The following NAF1 variants were observed in gnomAD, a reference collection of about 807,000 sequenced individuals.
The protein encoded by NAF1 is H/ACA ribonucleoprotein complex non-core subunit NAF1.
A neutral mutation model predicts 40.6 loss-of-function variants in NAF1; 11 were observed. The observed-to-expected ratio is 0.27, with a 90% CI of 0.17 to 0.45. The LOEUF is 0.45. Among genes scored for constraint, NAF1 ranks in the 20% least tolerant of loss-of-function variants. NAF1 has a pLI of 1.00. For synonymous variants in NAF1, 260 were observed against 228.5 expected (o/e 1.14, Z -1.24); for missense variants, 607 against 611.1 (o/e 0.99, Z 0.07).
At chr4:163,137,729 A>G (rs536050505) in intron 5 of NAF1, among the ~76,000 whole-genome samples, 10 of 152,312 alleles carry the variant, frequency 6.6e-5, no homozygotes, top group African/African-American at 2.4e-4. Flanking sequence ...GAGGAATGTC[A>G]GCAATCCTCT....
intron 4 of NAF1, among the ~76,000 whole-genome samples, chr4:163,142,133 G>A (rs746298943): frequency 7.9e-5 from 12 of 152,138 alleles, no homozygotes; most frequent in Non-Finnish European, 1.6e-4. Context: ...AGTAGACCTC[G>A]TCCAGTAAGA....
chr4:163,160,227 T>C (rs767113893), intron 2 of NAF1, among the ~76,000 whole-genome samples: 35 of 152,320 alleles, frequency 2.3e-4, no homozygotes, highest in Non-Finnish European at 2.6e-4. Flanking sequence ...TAATTTTATC[T>C]AGTTAAACTT....
In NAF1 at chr4:163,164,301, C is replaced by T. The variant is rs1732352872; in HGVS notation, c.456G>A (p.Val152=). ...GTAAATCATCATCTCCATCTGACAG[C>T]ACTGGAGGAAGTGATATACAAGAGG... is the stretch of plus-strand genomic sequence containing the variant. ...SSSSCISLPP[V]LSDGDDDLQI... is the part of the protein sequence containing the mutation. The change falls in exon 2 of 8, where the codon GTG becomes GTA. Residue 152 remains valine, a synonymous_variant. Transcript: ENST00000274054. 6.3e-7 allele frequency: 1 copy of T among 1,599,548 alleles called. No individual in the cohort carries two copies. Among genetic ancestry groups the T allele is most frequent in the African/African-American group, 1.3e-5 (1 of 74,258 alleles).
intron 2 of NAF1, among the ~76,000 whole-genome samples, chr4:163,158,819 C>A (rs998741610): frequency 6.6e-6 from 1 of 151,976 alleles, no homozygotes; most frequent in African/African-American, 2.4e-5. Context: ...AAAAGACTGC[C>A]AAATAATTGT....
intron 2 of NAF1, among the ~76,000 whole-genome samples, chr4:163,119,214 A>G (rs967527809): frequency 2.2e-4 from 33 of 152,304 alleles, no homozygotes; most frequent in Non-Finnish European, 3.4e-4. Flanking sequence ...GAATGTCCTT[A>G]GAATTTGTGT....
In NAF1 at chr4:163,166,647, C is replaced by G; in HGVS notation, c.81G>C (p.Pro27=). 6.2e-7 allele frequency: 1 copy of G among 1,613,136 alleles called. No individual in the cohort carries two copies. Among genetic ancestry groups the G allele is most frequent in the Non-Finnish European group, 8.5e-7 (1 of 1,179,890 alleles). ...GGGCAGAGCCCGGAGACGGAGCCGC[C>G]GGACCTTCCCCAACTCCAAAGTCGG... ...NGTDFGVGEG[P]AAPSPGSAPV... is the part of the protein sequence containing the mutation. The change falls in exon 1 of 8, where the codon CCG becomes CCC. Residue 27 remains proline, a synonymous_variant. Coordinates refer to ENST00000274054, the MANE Select transcript of NAF1 (RefSeq NM_138386.3).
chr4:163,151,107 A>T (rs192501688), intron 2 of NAF1, among the ~76,000 whole-genome samples: 6 of 130,040 alleles, frequency 4.6e-5, no homozygotes, highest in East Asian at 4.5e-4. Flanking sequence ...ATTAATTTAT[A>T]AAAAAAAAAC....
chr4:163,137,282 T>C (rs1177363307), intron 5 of NAF1, 32 bp from the exon 6 acceptor site: 3 of 1,592,062 alleles, frequency 1.9e-6, no homozygotes, highest in Admixed American at 1.8e-5. Flanking sequence ...GTCAAAAAAG[T>C]ATTCATCACA....
At chr4:163,104,709 A>G in the NAF1 span, among the ~76,000 whole-genome samples, 1 of 152,230 alleles carries the variant, frequency 6.6e-6, no homozygotes, top group Non-Finnish European at 1.5e-5. Flanking sequence ...ATGCAATAAA[A>G]GTGATACGCT....
At chr4:163,123,528 T>G (rs1333264599), downstream of NAF1, among the ~76,000 whole-genome samples, 1 of 152,112 alleles carries the variant, frequency 6.6e-6, no homozygotes, top group African/African-American at 2.4e-5. Flanking sequence ...ACTACAGGCA[T>G]GCGTAACCAT....
At chr4:163,143,933 G>T in intron 4 of NAF1, 1 of 697,236 alleles carries the variant, frequency 1.4e-6, no homozygotes, top group Non-Finnish European at 1.8e-6. Flanking sequence ...TAGGCAAACT[G>T]ATCATTTCAA....
chr4:163,109,265 T>C (rs1730100658), downstream of NAF1, among the ~76,000 whole-genome samples: 1 of 151,930 alleles, frequency 6.6e-6, no homozygotes, highest in Non-Finnish European at 1.5e-5. Context: ...TACTTAGTTC[T>C]TCTCCCTCTT....
At chr4:163,117,712 CACACACGCAT>C (rs1173504920) in intron 2 of NAF1, among the ~76,000 whole-genome samples, 1 of 151,516 alleles carries the variant, frequency 6.6e-6, no homozygotes, top group Non-Finnish European at 1.5e-5. Context: ...CACACACACA[CACACACGCAT>C]GAATACATCA....
intron 2 of NAF1, among the ~76,000 whole-genome samples, chr4:163,116,329 T>C (rs1579119196): frequency 6.6e-6 from 1 of 152,254 alleles, no homozygotes; most frequent in Middle Eastern, 3.4e-3. Context: ...AAAATTATAA[T>C]TGGATGAATA....
At chr4:163,154,211 G>A (rs766865915) in intron 2 of NAF1, among the ~76,000 whole-genome samples, 7 of 152,272 alleles carry the variant, frequency 4.6e-5, no homozygotes, top group Middle Eastern at 3.4e-3. Context: ...TACCAATTCC[G>A]GACACACTAG....
intron 2 of NAF1, chr4:163,157,510 C>T (rs80026424): frequency 1.7e-4 from 26 of 151,774 alleles, no homozygotes; most frequent in African/African-American, 4.8e-4. Context: ...AAATGGCTAA[C>T]GACAATTTAA....
intron 2 of NAF1, among the ~76,000 whole-genome samples, chr4:163,116,895 A>G (rs1341062154): frequency 2.8e-5 from 4 of 142,394 alleles, no homozygotes; most frequent in Admixed American, 2.7e-4. Flanking sequence ...CTTCTGCAGC[A>G]CAATCCCTAA....
intron 2 of NAF1, among the ~76,000 whole-genome samples, chr4:163,150,621 T>C (rs1731661568): frequency 1.3e-5 from 2 of 152,072 alleles, no homozygotes; most frequent in Admixed American, 1.3e-4. Flanking sequence ...TGACACAACA[T>C]ATATCCTTAA....
intron 2 of NAF1, among the ~76,000 whole-genome samples, chr4:163,114,827 G>A (rs990762246): frequency 6.6e-6 from 1 of 152,082 alleles, no homozygotes; most frequent in Non-Finnish European, 1.5e-5. Flanking sequence ...AAAATTCACT[G>A]GTAAAGGTAT....
Sources: gnomAD v4.1 joint callset for allele counts (sites outside exome capture counted in the v4.1 genomes callset) on GRCh38, gnomAD v4.1.1 for gene constraint, MANE v1.5 for transcripts, NCBI Gene and HGNC (gene_info 2026-07-23, HGNC 2026-07-21) for gene names.